The following MED30 variants were observed in gnomAD, a reference collection of about 807,000 sequenced individuals.
MED30 encodes mediator of RNA polymerase II transcription subunit 30.
Under a neutral mutation model 21.7 loss-of-function variants are expected in MED30, and 8 were observed. The ratio of observed to expected loss-of-function variants is 0.37; its 90% CI spans 0.22 to 0.67. The LOEUF (loss-of-function observed/expected upper bound fraction) is 0.67. Ranked by LOEUF, MED30 falls within the 30% of genes least tolerant of loss-of-function variation. The pLI, the probability that MED30 is intolerant of heterozygous loss-of-function variation, is 0.58. For synonymous variants in MED30, 79 were observed against 86.7 expected, an observed-to-expected ratio of 0.91 and a Z score of 0.49; for missense variants, 203 against 228.2, an observed-to-expected ratio of 0.89 and a Z score of 0.71.
intron 3 of MED30, among the ~76,000 whole-genome samples, chr8:117,539,640 G>C (rs1199752561): frequency 6.6e-6 from 1 of 152,194 alleles, no homozygotes; most frequent in African/African-American, 2.4e-5. Context: ...GGAAGTGGAA[G>C]AGTAAGCAGG....
Position 117,530,754 on chromosome 8 carries a change from CAAAG to C in MED30, c.371_374del (p.Lys124MetfsTer21). On this transcript the variant is annotated frameshift_variant, in exon 3 of 4. Transcript: ENST00000297347. LOFTEE classifies it high-confidence loss of function. ...ATTCCATATGTGGAAGAAGATGGCT[CAAAG>C]AATGATGATCGGGCTGGCCCACCTC... The C allele has an allele frequency of 6.2e-7, 1 of 1,612,180 alleles. No homozygotes were observed. The highest frequency in any genetic ancestry group is 8.5e-7 in the Non-Finnish European group (1 of 1,178,864).
intron 2 of MED30, among the ~76,000 whole-genome samples, chr8:117,529,284 A>G (rs1320568974): frequency 6.6e-6 from 1 of 151,888 alleles, no homozygotes; most frequent in Non-Finnish European, 1.5e-5. Context: ...GGTCATACCT[A>G]TTTAGTTAAT....
intron 1 of MED30, among the ~76,000 whole-genome samples, chr8:117,521,984 T>G (rs1340157559): frequency 1.3e-5 from 2 of 152,100 alleles, no homozygotes; most frequent in Non-Finnish European, 2.9e-5. Context: ...TTTAAGAAAC[T>G]TTTCCAAAGT....
At position 117,520,953 on chromosome 8, in the gene MED30, G is replaced by T. The variant is rs1314044056; in HGVS notation, c.77G>T (p.Arg26Leu). ...FAGPQAQQAA[R>L]EVNTASLCRI... The stretch of plus-strand genomic sequence containing the variant: ...GGGCCCCAGGCTCAGCAGGCCGCCC[G>T]GGAAGTCAACACGGCGTCGCTGTGC... The change falls in exon 1 of 4, where the codon CGG becomes CTG. Residue 26 changes from arginine to leucine, a missense_variant. Arg to Leu is a moderately radical substitution (Grantham distance 102, BLOSUM62 -2). Coordinates refer to ENST00000297347, the MANE Select transcript of MED30 (RefSeq NM_080651.4). The T allele has an allele frequency of 6.2e-7, 1 of 1,612,682 alleles. No individual in the cohort carries two copies. Among genetic ancestry groups the T allele is most frequent in the Non-Finnish European group, 8.5e-7 (1 of 1,179,376 alleles).
intron 2 of MED30, chr8:117,530,500 G>A: frequency 3.0e-6 from 1 of 333,940 alleles, no homozygotes; most frequent in Non-Finnish European, 5.4e-6. Context: ...GACAACCAAT[G>A]TTATAAAGGC....
chr8:117,521,966 T>G (rs1039846871), intron 1 of MED30, among the ~76,000 whole-genome samples: 28 of 152,208 alleles, frequency 1.8e-4, no homozygotes, highest in Non-Finnish European at 3.2e-4. Flanking sequence ...TACATGTCTG[T>G]TTAATACTTT....
chr8:117,533,573 A>G (rs1369693135), intron 3 of MED30, among the ~76,000 whole-genome samples: 1 of 152,182 alleles, frequency 6.6e-6, no homozygotes, highest in Admixed American at 6.5e-5. Flanking sequence ...TACTAGGGTC[A>G]TATTTCCTTG....
In MED30 at chr8:117,536,412, TTTTC is replaced by T. The variant is rs564518916; in HGVS notation, c.442-3461_442-3458del. 7.2e-5 allele frequency among the ~76,000 whole-genome samples: 11 copies of T among 152,330 alleles called. No homozygotes were observed. The East Asian group carries it at 1.9e-3, about 27-fold the overall frequency. ...AGTCAGAATTTTATTACAATGAATA[TTTTC>T]TTTCTTTCTAAATAAGCTACCTAAA... is the stretch of plus-strand genomic sequence containing the variant. On this transcript the variant is annotated intron_variant, in intron 3 of 3. Transcript: ENST00000297347.
At position 117,539,964 on chromosome 8, in the gene MED30, G is replaced by C. The variant is rs1209553255; in HGVS notation, c.523G>C (p.Ala175Pro). The change falls in exon 4 of 4, where the codon GCA (alanine) becomes CCA (proline). Residue 175 changes from alanine (A) to proline (P), a missense_variant. Physicochemically the swap from Ala to Pro is conservative, Grantham distance 27. Transcript: ENST00000297347. Reference protein sequence around the residue: ...NLIWDINAMLAMRN With the variant: ...NLIWDINAMLPMRN ...CATCTGGGATATAAATGCCATGTTG[G>C]CAATGAGGAACTAAGCTGATATTTA... 6.3e-7 allele frequency: 1 copy of C among 1,598,416 alleles called. No individual in the cohort carries two copies.
intron 3 of MED30, among the ~76,000 whole-genome samples, chr8:117,536,069 A>T (rs560699128): frequency 6.6e-6 from 1 of 152,234 alleles, no homozygotes; most frequent in African/African-American, 2.4e-5. Context: ...ACATGAAAAT[A>T]TTTAAATATT....
At chr8:117,539,285 G>A (rs1330856206) in intron 3 of MED30, among the ~76,000 whole-genome samples, 1 of 152,094 alleles carries the variant, frequency 6.6e-6, no homozygotes, top group Non-Finnish European at 1.5e-5. Context: ...CTTGAAGTCA[G>A]GAGACCAGCC....
At chr8:117,523,843 C>G (rs575152531) in intron 1 of MED30, 1 of 492,630 alleles carries the variant, frequency 2.0e-6, no homozygotes, top group East Asian at 3.6e-5. Context: ...CCCATCTCTA[C>G]TAAAAATACA....
chr8:117,522,367 A>G lies in MED30; in HGVS notation c.177+1314A>G, dbSNP rs138704295. On this transcript the variant is annotated intron_variant, in intron 1 of 3. Transcript: ENST00000297347. The stretch of plus-strand genomic sequence containing the variant: ...TTTGTGAGTTTTTAAATATGTATAC[A>G]TAGTGGCAGATACGGATCCAAGTTC... Among the ~76,000 whole-genome samples, 35 of 152,324 alleles carry G rather than the reference A, an allele frequency of 2.3e-4. No homozygotes were observed. The East Asian group carries it at 2.3e-3, about 10-fold the overall frequency.
Position 117,539,797 on chromosome 8 carries a change from T to C in MED30, c.442-86T>C. The stretch of plus-strand genomic sequence containing the variant: ...AGCTTAATTTCTGTCTGTATCATTA[T>C]AATCCTAACTTATGATATTTTAATC... On this transcript the variant is annotated intron_variant, in intron 3 of 3. Coordinates refer to ENST00000297347, the MANE Select transcript of MED30 (RefSeq NM_080651.4). 4 of 794,270 alleles carry C rather than the reference T, an allele frequency of 5.0e-6. No homozygotes were observed. The South Asian group carries it at 6.0e-5, about 12-fold the overall frequency. The allele number at this position is 794,270 out of a possible 1,614,324, so 49.2% of individuals were successfully genotyped here.
chr8:117,522,322 G>T (rs1362917658), intron 1 of MED30, among the ~76,000 whole-genome samples: 1 of 152,086 alleles, frequency 6.6e-6, no homozygotes, highest in Non-Finnish European at 1.5e-5. Flanking sequence ...TTATATTTAG[G>T]TCTACAACCT....
chr8:117,523,805 G>A (rs1403897057), intron 1 of MED30: 4 of 655,224 alleles, frequency 6.1e-6, no homozygotes, highest in Admixed American at 5.7e-5. Flanking sequence ...TCAGGAATTC[G>A]AGACCAGCCT....
intron 3 of MED30, among the ~76,000 whole-genome samples, chr8:117,537,445 CATGTTT>C (rs1818898370): frequency 6.6e-6 from 1 of 152,058 alleles, no homozygotes; most frequent in Admixed American, 6.6e-5. Flanking sequence ...ATTTTCATGA[CATGTTT>C]TGACTCTGGA....
intron 1 of MED30, chr8:117,523,659 C>A: frequency 6.3e-7 from 1 of 1,595,542 alleles, no homozygotes; most frequent in Non-Finnish European, 8.6e-7. Context: ...TGTCTGCCAG[C>A]TCCGGGTGCT....
intron 1 of MED30, among the ~76,000 whole-genome samples, chr8:117,525,345 T>G (rs1818702735): frequency 1.4e-5 from 2 of 144,880 alleles, no homozygotes; most frequent in South Asian, 4.3e-4. Context: ...TTGTCTGTCT[T>G]TTTTTTTTTT....
Sources: gnomAD v4.1 joint callset for allele counts (sites outside exome capture counted in the v4.1 genomes callset) on GRCh38, gnomAD v4.1.1 for gene constraint, MANE v1.5 for transcripts, NCBI Gene and HGNC (gene_info 2026-07-23, HGNC 2026-07-21) for gene names.